Variants in USP15 observed in about 807,000 individuals in gnomAD.
USP15 encodes the protein ubiquitin carboxyl-terminal hydrolase 15.
USP15 carries 18 observed loss-of-function variants against 127.1 expected under a neutral mutation model. That is an observed-to-expected ratio of 0.14 (90% CI 0.10 to 0.21). The LOEUF is 0.21. Among genes scored for constraint, USP15 ranks in the 10% least tolerant of loss-of-function variants. The pLI is 1.00. For missense variants in USP15, 805 were observed against 1,159.9 expected, an observed-to-expected ratio of 0.69 and a Z score of 4.44; for synonymous variants, 364 against 393.7, an observed-to-expected ratio of 0.92 and a Z score of 0.89.
In USP15 at chr12:62,401,171, A is replaced by G. The variant is rs1454365421; in HGVS notation, c.2675-16A>G. Reference sequence around the variant, plus strand: ...CAAGATCATTTTCGTCACAGTGATTATATTTTTTTCATTAGATACTGCTTT... The same window carrying G: ...CAAGATCATTTTCGTCACAGTGATTGTATTTTTTTCATTAGATACTGCTTT... On this transcript the variant is annotated splice_polypyrimidine_tract_variant and intron_variant, in intron 20 of 21. Coordinates refer to ENST00000280377, the MANE Select transcript of USP15 (RefSeq NM_001252078.2). 7 of 1,589,296 alleles carry G rather than the reference A, an allele frequency of 4.4e-6. No homozygotes were observed. Among genetic ancestry groups the G allele is most frequent in the Non-Finnish European group, 6.0e-6 (7 of 1,160,928 alleles).
At position 62,374,199 on chromosome 12, in the gene USP15, T is replaced by C. The variant is rs144706800; in HGVS notation, c.916-7291T>C. 5.0e-3 allele frequency among the ~76,000 whole-genome samples: 761 copies of C among 152,156 alleles called. 5 individuals are homozygous for C. Among genetic ancestry groups the C allele is most frequent in the Middle Eastern group, 0.02 (6 of 294 alleles). On this transcript the variant is annotated intron_variant, in intron 8 of 21. Coordinates refer to ENST00000280377, the MANE Select transcript of USP15 (RefSeq NM_001252078.2). ...ACTTCAAGTTTTATTTTTTAAATCA[T>C]AACAAACTAAGAATGAATCCCTTAT...
chr12:62,351,844 T>C (rs2065975337), intron 7 of USP15, among the ~76,000 whole-genome samples: 1 of 151,816 alleles, frequency 6.6e-6, no homozygotes. Flanking sequence ...GGATTATCTT[T>C]CTTAGTAAGG....
At chr12:62,345,742 T>TG (rs1209829401) in intron 6 of USP15, among the ~76,000 whole-genome samples, 2 of 151,938 alleles carry the variant, frequency 1.3e-5, no homozygotes, top group African/African-American at 4.8e-5. Flanking sequence ...TCCACGTTTC[T>TG]GGGGTGGGGG....
intron 1 of USP15, among the ~76,000 whole-genome samples, chr12:62,286,956 A>C (rs2137118967): frequency 6.7e-6 from 1 of 149,162 alleles, no homozygotes; most frequent in East Asian, 1.9e-4. Flanking sequence ...AAAAAAAGTG[A>C]TACATATATA....
intron 8 of USP15, among the ~76,000 whole-genome samples, chr12:62,359,560 A>C (rs2066248738): frequency 1.3e-5 from 2 of 152,174 alleles, no homozygotes. Context: ...GTTAAGCAGA[A>C]TGACTCTGGA....
chr12:62,378,597 T>C (rs1468726829), intron 8 of USP15, among the ~76,000 whole-genome samples: 2 of 152,108 alleles, frequency 1.3e-5, no homozygotes, highest in African/African-American at 2.4e-5. Flanking sequence ...CATGTATCAC[T>C]GTGAAAATAA....
chr12:62,385,045 A>C (rs1055221042), intron 11 of USP15, among the ~76,000 whole-genome samples: 38 of 151,894 alleles, frequency 2.5e-4, no homozygotes, highest in African/African-American at 8.0e-4. Context: ...CCTAAATTCT[A>C]ACACTTAACT....
intron 6 of USP15, among the ~76,000 whole-genome samples, chr12:62,332,560 A>G (rs1283623568): frequency 3.9e-5 from 6 of 152,138 alleles, no homozygotes; most frequent in African/African-American, 9.7e-5. Flanking sequence ...TTTGATTTAA[A>G]TTTATTCATT....
intron 6 of USP15, among the ~76,000 whole-genome samples, chr12:62,337,755 G>A (rs2065516047): frequency 6.6e-6 from 1 of 151,708 alleles, no homozygotes; most frequent in African/African-American, 2.4e-5. Context: ...TCCTGTGTTA[G>A]TTTGCTGAGA....
intron 6 of USP15, among the ~76,000 whole-genome samples, chr12:62,338,601 G>A (rs985752144): frequency 2.6e-5 from 4 of 152,012 alleles, no homozygotes; most frequent in African/African-American, 9.7e-5. Flanking sequence ...AGGTTTTTAT[G>A]GTTTTGGGTT....
chr12:62,342,732 T>TGCA (rs2065685350), intron 6 of USP15, among the ~76,000 whole-genome samples: 1 of 152,174 alleles, frequency 6.6e-6, no homozygotes, highest in Admixed American at 6.5e-5. Flanking sequence ...CAGTGGAGGC[T>TGCA]GCAGAACAGC....
intron 1 of USP15, among the ~76,000 whole-genome samples, chr12:62,273,595 A>T (rs1017520455): frequency 2.6e-5 from 4 of 152,128 alleles, no homozygotes; most frequent in Non-Finnish European, 4.4e-5. Flanking sequence ...ATTTCAGGAG[A>T]TAAGAATATA....
intron 6 of USP15, among the ~76,000 whole-genome samples, chr12:62,346,646 C>T (rs2065826643): frequency 6.6e-6 from 1 of 152,172 alleles, no homozygotes; most frequent in African/African-American, 2.4e-5. Context: ...ACTGGTCTCC[C>T]AATCTTCAGT....
At chr12:62,306,076 T>C (rs1370517015) in intron 3 of USP15, 1 of 152,174 alleles carries the variant, frequency 6.6e-6, no homozygotes, top group Non-Finnish European at 1.5e-5. Flanking sequence ...ACCTTGGAAG[T>C]GGATCCTTTA....
chr12:62,294,453 TAA>T (rs2064069251), intron 2 of USP15, 147 bp downstream of exon 2: 5 of 806,476 alleles, frequency 6.2e-6, no homozygotes, highest in Admixed American at 3.8e-5. Flanking sequence ...ATTATTCTAA[TAA>T]GTTATTAAAA....
rs2137610703 is a variant in USP15, at chr12:62,389,902, T to C, written c.1758T>C (p.Ser586=). The change falls in exon 14 of 22, where the codon TCT becomes TCC. Residue 586 remains serine, a synonymous_variant. Transcript: ENST00000280377. ...CGAGTTATACCCACCATACTGGTTC[T>C]TCACTTTTTGGTCAGCCCTTTCTTA... ...RHSSYTHHTG[S]SLFGQPFLMA... is the part of the protein sequence containing the mutation. 6.2e-7 allele frequency: 1 copy of C among 1,613,964 alleles called. No individual in the cohort carries two copies. The highest frequency in any genetic ancestry group is 1.7e-5 in the Admixed American group (1 of 60,026).
chr12:62,324,210 C>A (rs1308118905), intron 5 of USP15, among the ~76,000 whole-genome samples: 1 of 151,750 alleles, frequency 6.6e-6, no homozygotes, highest in Non-Finnish European at 1.5e-5. Context: ...AAATGATGCA[C>A]TTGAATAAAG....
chr12:62,321,579 C>A lies in USP15; in HGVS notation c.591C>A (p.Thr197=). The change falls in exon 5 of 22, where the codon ACC becomes ACA. Residue 197 remains threonine (T), a synonymous_variant. Coordinates refer to ENST00000280377, the MANE Select transcript of USP15 (RefSeq NM_001252078.2). Reference sequence around the variant, plus strand: ...AACCACTGAATAAACCAGACAGCACCATTCAGGATGCTGGTTTATACCAAG... The same window carrying A: ...AACCACTGAATAAACCAGACAGCACAATTCAGGATGCTGGTTTATACCAAG... The part of the protein sequence containing the change: ...TFEPLNKPDS[T]IQDAGLYQGQ... 1 of 1,597,656 alleles carries A rather than the reference C, an allele frequency of 6.3e-7. No homozygotes were observed. The highest frequency in any genetic ancestry group is 8.5e-7 in the Non-Finnish European group (1 of 1,172,474).
At chr12:62,306,657 T>TA (rs143229860) in intron 3 of USP15, among the ~76,000 whole-genome samples, 34,072 of 151,962 alleles carry the variant, frequency 0.22, 4,154 homozygotes, top group African/African-American at 0.34. Context: ...AGAAGAGAAA[T>TA]ACACTAAAGA....
Sources: gnomAD v4.1 joint callset for allele counts (sites outside exome capture counted in the v4.1 genomes callset) on GRCh38, gnomAD v4.1.1 for gene constraint, MANE v1.5 for transcripts, NCBI Gene and HGNC (gene_info 2026-07-23, HGNC 2026-07-21) for gene names.